Variants in RAB6A observed in about 807,000 individuals in gnomAD.
RAB6A encodes the protein ras-related protein Rab-6A.
A neutral mutation model predicts 32.3 loss-of-function variants in RAB6A; 8 were observed. That is an observed-to-expected ratio of 0.25 (90% CI 0.15 to 0.45). RAB6A has a LOEUF of 0.45. RAB6A is among the 20% of genes least tolerant of loss of function. The pLI is 1.00. For synonymous variants in RAB6A, 73 were observed against 82.1 expected (o/e 0.89, Z 0.60); for missense variants, 104 against 249.4 (o/e 0.42, Z 3.93).
chr11:73,760,442 G>T, intron 1 of RAB6A, 124 bp downstream of exon 1: 2 of 1,298,120 alleles, frequency 1.5e-6, no homozygotes, highest in Non-Finnish European at 2.1e-6. Flanking sequence ...ATCGGGAAGG[G>T]CTGCGGTGGC....
intron 6 of RAB6A, among the ~76,000 whole-genome samples, chr11:73,696,190 TTTTGAC>T (rs1273277103): frequency 6.6e-6 from 1 of 152,106 alleles, no homozygotes; most frequent in Non-Finnish European, 1.5e-5. Context: ...ATTTGTGGAC[TTTTGAC>T]TTTATTTTTA....
chr11:73,687,488 A>G (rs191815141), intron 6 of RAB6A, among the ~76,000 whole-genome samples: 48 of 152,272 alleles, frequency 3.2e-4, no homozygotes, highest in Non-Finnish European at 6.0e-4. Context: ...CCAGCTCAAG[A>G]GAGGCACTCG....
At chr11:73,702,093 T>C (rs1945754756) in intron 6 of RAB6A, among the ~76,000 whole-genome samples, 1 of 152,230 alleles carries the variant, frequency 6.6e-6, no homozygotes, top group South Asian at 2.1e-4. Flanking sequence ...TACATCGTTG[T>C]TGTTATAGGT....
chr11:73,751,859 A>T (rs1946673653), intron 1 of RAB6A, among the ~76,000 whole-genome samples: 1 of 152,110 alleles, frequency 6.6e-6, no homozygotes, highest in Non-Finnish European at 1.5e-5. Context: ...AGACTTAAAG[A>T]CCTAACATCA....
intron 2 of RAB6A, among the ~76,000 whole-genome samples, chr11:73,724,728 C>T (rs776051409): frequency 3.3e-5 from 5 of 152,100 alleles, no homozygotes; most frequent in Admixed American, 6.6e-5. Context: ...CCTTGTGATC[C>T]GCCCGCCTTG....
chr11:73,757,443 ATT>A (rs1417629293), intron 1 of RAB6A, among the ~76,000 whole-genome samples: 1 of 151,930 alleles, frequency 6.6e-6, no homozygotes, highest in Non-Finnish European at 1.5e-5. Flanking sequence ...AAGTGCTGGG[ATT>A]ACAGGCATGA....
chr11:73,720,256 C>A (rs1008823440), intron 3 of RAB6A, among the ~76,000 whole-genome samples: 6 of 150,682 alleles, frequency 4.0e-5, no homozygotes, highest in African/African-American at 1.5e-4. Context: ...TCTCAGCTCA[C>A]TGCAACCTCT....
intron 4 of RAB6A, among the ~76,000 whole-genome samples, chr11:73,716,576 T>G (rs765658371): frequency 6.6e-6 from 1 of 152,126 alleles, no homozygotes; most frequent in Non-Finnish European, 1.5e-5. Context: ...AGGTTCCTTT[T>G]AGAGTAGTTT....
intron 7 of RAB6A, among the ~76,000 whole-genome samples, chr11:73,678,491 C>A (rs1216554842): frequency 2.0e-5 from 3 of 151,868 alleles, no homozygotes; most frequent in African/African-American, 7.2e-5. Context: ...GTGGCTCATG[C>A]CTGTATTCCC....
intron 2 of RAB6A, chr11:73,730,199 A>T (rs1029052658): frequency 1.3e-5 from 2 of 152,340 alleles, no homozygotes; most frequent in South Asian, 2.1e-4. Flanking sequence ...TTAAAGTAGA[A>T]TGTTAGGCTA....
At chr11:73,718,778 T>C (rs772483425) in intron 3 of RAB6A, 60 bp from the exon 4 acceptor site, 2 of 1,613,872 alleles carry the variant, frequency 1.2e-6, no homozygotes, top group Non-Finnish European at 8.5e-7. Flanking sequence ...CGTTGCAATA[T>C]ACCTACTTGT....
chr11:73,728,974 T>A (rs1946265822), intron 2 of RAB6A, among the ~76,000 whole-genome samples: 1 of 152,204 alleles, frequency 6.6e-6, no homozygotes, highest in Admixed American at 6.5e-5. Context: ...TAGATATATA[T>A]TCCGATTTTC....
intron 7 of RAB6A, 109 bp downstream of exon 7, chr11:73,679,545 T>C: frequency 7.4e-7 from 1 of 1,356,440 alleles, no homozygotes. Flanking sequence ...CTTTAAGTCA[T>C]CAGTTCCTGG....
At chr11:73,708,800 A>G (rs772637551) in intron 5 of RAB6A, among the ~76,000 whole-genome samples, 6 of 152,158 alleles carry the variant, frequency 3.9e-5, no homozygotes, top group Non-Finnish European at 7.3e-5. Flanking sequence ...TTTACTTGCA[A>G]GTGTGCCCTT....
intron 1 of RAB6A, among the ~76,000 whole-genome samples, chr11:73,747,844 CA>C (rs1421127590): frequency 6.6e-6 from 1 of 152,162 alleles, no homozygotes; most frequent in East Asian, 1.9e-4. Flanking sequence ...GAATTCTTGG[CA>C]AAACTACCAC....
chr11:73,719,823 C>A (rs943061651), intron 3 of RAB6A, among the ~76,000 whole-genome samples: 5 of 151,936 alleles, frequency 3.3e-5, no homozygotes, highest in African/African-American at 9.7e-5. Context: ...GCCATGTTGG[C>A]CAGGCTGGTC....
chr11:73,736,871 G>C (rs1946405526), intron 1 of RAB6A, among the ~76,000 whole-genome samples: 1 of 144,164 alleles, frequency 6.9e-6, no homozygotes, highest in Admixed American at 7.1e-5. Flanking sequence ...CCAGACACTT[G>C]AGAGGCTAAG....
intron 1 of RAB6A, among the ~76,000 whole-genome samples, chr11:73,745,757 G>A (rs761642348): frequency 1.2e-4 from 19 of 152,038 alleles, no homozygotes; most frequent in African/African-American, 4.1e-4. Context: ...GCTCGAACCC[G>A]GGAGGCAGAA....
intron 1 of RAB6A, among the ~76,000 whole-genome samples, chr11:73,748,044 C>T (rs1238674839): frequency 6.6e-6 from 1 of 152,172 alleles, no homozygotes; most frequent in African/African-American, 2.4e-5. Flanking sequence ...ATGATGCAAA[C>T]ATTGTGTTCT....
Sources: allele counts gnomAD v4.1 joint callset (sites outside exome capture counted in the v4.1 genomes callset), GRCh38; gene constraint gnomAD v4.1.1; transcripts MANE v1.5; gene names NCBI Gene and HGNC (gene_info 2026-07-23, HGNC 2026-07-21).